Variants in FMN1 observed in about 807,000 individuals in gnomAD.
The protein encoded by FMN1 is formin 1.
In FMN1, 110 loss-of-function variants were observed where a neutral mutation model predicts 132.4. The observed-to-expected ratio is 0.83, with a 90% CI of 0.71 to 0.97. FMN1 has a LOEUF of 0.97. Ranked by LOEUF, FMN1 falls within the 50% of genes least tolerant of loss-of-function variation. The probability of loss-of-function intolerance (pLI) is 0.00; values close to 1 mark genes in which losing one functional copy is unlikely to be tolerated. For synonymous variants in FMN1, 722 were observed against 651.7 expected, an observed-to-expected ratio of 1.11 and a Z score of -1.64; for missense variants, 1,792 against 1,705.3, an observed-to-expected ratio of 1.05 and a Z score of -0.90.
At chr15:32,827,178 T>C (rs1567230842) in intron 17 of FMN1, among the ~76,000 whole-genome samples, 1 of 152,168 alleles carries the variant, frequency 6.6e-6, no homozygotes, top group East Asian at 1.9e-4. Flanking sequence ...AAAATTATGG[T>C]CCAAGCAGCT....
At chr15:32,946,205 T>C (rs146573933) in intron 9 of FMN1, among the ~76,000 whole-genome samples, 63 of 152,312 alleles carry the variant, frequency 4.1e-4, no homozygotes, top group African/African-American at 1.4e-3. Context: ...TTATCCTCCT[T>C]CTTACTCTCA....
intron 16 of FMN1, among the ~76,000 whole-genome samples, chr15:32,881,952 G>C (rs550171497): frequency 3.4e-4 from 52 of 152,324 alleles, no homozygotes; most frequent in African/African-American, 1.1e-3. Flanking sequence ...AGCCACATCA[G>C]ACTAGTATGC....
intron 9 of FMN1, among the ~76,000 whole-genome samples, chr15:32,933,951 C>T (rs971860151): frequency 2.0e-4 from 30 of 152,124 alleles, no homozygotes; most frequent in Non-Finnish European, 3.4e-4. Flanking sequence ...TGTCTTTTGA[C>T]TGAGAAATTT....
At chr15:32,781,063 A>G (rs1419466478) in intron 19 of FMN1, among the ~76,000 whole-genome samples, 1 of 152,350 alleles carries the variant, frequency 6.6e-6, no homozygotes, top group African/African-American at 2.4e-5. Context: ...GTAATACTTC[A>G]TTTTTAAACT....
At chr15:32,793,324 G>C (rs932808039) in intron 19 of FMN1, among the ~76,000 whole-genome samples, 1 of 151,876 alleles carries the variant, frequency 6.6e-6, no homozygotes, top group Non-Finnish European at 1.5e-5. Context: ...CTGTTGCCCA[G>C]GCTGGAGTGC....
Position 32,969,085 on chromosome 15 carries a change from G to T in FMN1, c.2616C>A (p.Pro872=). The part of the protein sequence containing the change: ...SNQQKALPPP[P]ASIPPPPPLP... Reference sequence around the variant, plus strand: ...GGGGCGGAGGGGGAGGGATGGATGCGGGAGGCGGAGGCAATGCCTTCTGCT... The same window carrying T: ...GGGGCGGAGGGGGAGGGATGGATGCTGGAGGCGGAGGCAATGCCTTCTGCT... The change falls in exon 8 of 21, where the codon CCC becomes CCA. Residue 872 remains proline (P), a synonymous_variant. Transcript: ENST00000616417. 1 of 1,603,212 alleles carries T rather than the reference G, an allele frequency of 6.2e-7. No individual in the cohort carries two copies. Among genetic ancestry groups the T allele is most frequent in the Non-Finnish European group, 8.5e-7 (1 of 1,173,272 alleles).
intron 16 of FMN1, among the ~76,000 whole-genome samples, chr15:32,884,772 A>G (rs2059855096): frequency 6.6e-6 from 1 of 152,222 alleles, no homozygotes; most frequent in Non-Finnish European, 1.5e-5. Context: ...GGGATGTAGA[A>G]CAATAAACAA....
intron 15 of FMN1, among the ~76,000 whole-genome samples, chr15:32,892,051 T>G (rs942717663): frequency 6.6e-6 from 1 of 152,144 alleles, no homozygotes; most frequent in East Asian, 1.9e-4. Flanking sequence ...CTTCCTTTCT[T>G]TCTCTTGTCT....
At chr15:33,124,055 T>C (rs1294018447) in intron 4 of FMN1, among the ~76,000 whole-genome samples, 6 of 152,156 alleles carry the variant, frequency 3.9e-5, no homozygotes, top group Non-Finnish European at 7.4e-5. Context: ...AGAGTATAAC[T>C]TAGAAAATGT....
intron 17 of FMN1, among the ~76,000 whole-genome samples, chr15:32,845,287 T>A (rs1484231322): frequency 6.6e-6 from 1 of 152,198 alleles, no homozygotes; most frequent in Non-Finnish European, 1.5e-5. Flanking sequence ...TCAATACTGA[T>A]TCCATAAAAT....
rs564091378 is a variant in FMN1 at position 32,806,598 on chromosome 15, C to T, written c.3929-2266G>A. 3.3e-5 allele frequency among the ~76,000 whole-genome samples: 5 copies of T among 152,274 alleles called. No homozygotes were observed. The East Asian group carries it at 9.7e-4, about 29-fold the overall frequency. Reference sequence around the variant, plus strand: ...CAGTCTTCAAAATGCTCTAGAAGGCCCTGCACTTAAGTCGGCTCCCTGGCT... The same window carrying T: ...CAGTCTTCAAAATGCTCTAGAAGGCTCTGCACTTAAGTCGGCTCCCTGGCT... On this transcript the variant is annotated intron_variant, in intron 17 of 20. Coordinates refer to ENST00000616417, the MANE Select transcript of FMN1 (RefSeq NM_001277313.2).
At chr15:32,789,706 T>C (rs2057003450) in intron 19 of FMN1, among the ~76,000 whole-genome samples, 1 of 152,214 alleles carries the variant, frequency 6.6e-6, no homozygotes, top group African/African-American at 2.4e-5. Context: ...ACTGACTCAC[T>C]GACTCACCCA....
At chr15:32,837,324 C>T in intron 17 of FMN1, 1 of 175,218 alleles carries the variant, frequency 5.7e-6, no homozygotes, top group Middle Eastern at 1.1e-3. Context: ...TCTCTGATGT[C>T]ATGGTGCAGG....
chr15:33,192,445 C>T (rs1966112145), intron 2 of FMN1, among the ~76,000 whole-genome samples: 1 of 152,206 alleles, frequency 6.6e-6, no homozygotes, highest in Non-Finnish European at 1.5e-5. Flanking sequence ...AAGCCTGTGA[C>T]AAAGGCTTCA....
At chr15:33,081,378 T>C (rs888706371) in intron 5 of FMN1, among the ~76,000 whole-genome samples, 1 of 152,198 alleles carries the variant, frequency 6.6e-6, no homozygotes, top group Non-Finnish European at 1.5e-5. Context: ...TTGAATACAA[T>C]ATGTAATAAT....
chr15:33,066,464 A>C, intron 5 of FMN1: 1 of 1,402,984 alleles, frequency 7.1e-7, no homozygotes, highest in Non-Finnish European at 9.5e-7. Flanking sequence ...AAAGAAATAC[A>C]GCAGCACCAT....
At chr15:33,094,954 C>T (rs2141383550) in intron 4 of FMN1, among the ~76,000 whole-genome samples, 1 of 152,294 alleles carries the variant, frequency 6.6e-6, no homozygotes, top group Middle Eastern at 3.4e-3. Context: ...TTCACTGAGA[C>T]ATTAAAAGCC....
At chr15:33,159,518 T>C (rs1235853233) in intron 3 of FMN1, among the ~76,000 whole-genome samples, 4 of 152,170 alleles carry the variant, frequency 2.6e-5, no homozygotes, top group Non-Finnish European at 4.4e-5. Flanking sequence ...TTCAATTCCA[T>C]GTAAGATAAA....
intron 3 of FMN1, among the ~76,000 whole-genome samples, chr15:33,166,315 T>C (rs1965105595): frequency 7.5e-6 from 1 of 133,246 alleles, no homozygotes; most frequent in East Asian, 2.2e-4. Context: ...GCACTCACTT[T>C]TTCTTTTTCT....
Sources: gnomAD v4.1 joint callset for allele counts (sites outside exome capture counted in the v4.1 genomes callset) on GRCh38, gnomAD v4.1.1 for gene constraint, MANE v1.5 for transcripts, NCBI Gene and HGNC (gene_info 2026-07-23, HGNC 2026-07-21) for gene names.